Variants in POLK observed in about 807,000 individuals in gnomAD.
POLK encodes the protein DNA polymerase kappa.
Under a neutral mutation model 94.0 loss-of-function variants are expected in POLK, and 76 were observed. That is an observed-to-expected ratio of 0.81 (90% CI 0.67 to 0.98). The LOEUF is 0.98. POLK is among the 50% of genes least tolerant of loss of function. The pLI is 0.00. For synonymous variants in POLK, 349 were observed against 325.4 expected (o/e 1.07, Z -0.78); for missense variants, 954 against 1,010.1 (o/e 0.94, Z 0.75).
exon 11 of POLK, chr5:75,590,432 A>G (rs765969981): frequency 3.8e-6 from 6 of 1,595,624 alleles, no homozygotes; most frequent in South Asian, 2.2e-5. Context: ...ACAGAAAGAA[A>G]GACTTAAGGT....
At chr5:75,526,682 A>G (rs76312986) in intron 1 of POLK, among the ~76,000 whole-genome samples, 11,906 of 151,094 alleles carry the variant, frequency 0.079, 553 homozygotes, top group South Asian at 0.17. Flanking sequence ...ACCAGGTTCA[A>G]TTGATTCTCG....
At chr5:75,555,362 T>G (rs1770568588) in intron 3 of POLK, among the ~76,000 whole-genome samples, 1 of 152,138 alleles carries the variant, frequency 6.6e-6, no homozygotes, top group Non-Finnish European at 1.5e-5. Flanking sequence ...ATCTCCATAG[T>G]TTTCCCTTTT....
chr5:75,581,415 A>G (rs746918425), exon 7 of POLK: 4 of 1,613,672 alleles, frequency 2.5e-6, no homozygotes, highest in Non-Finnish European at 3.4e-6. Context: ...TCGTTTCAGA[A>G]TTGAGCAGAA....
chr5:75,585,185 C>G (rs1772400889), intron 9 of POLK, among the ~76,000 whole-genome samples: 1 of 152,162 alleles, frequency 6.6e-6, no homozygotes, highest in African/African-American at 2.4e-5. Context: ...TTATCCCTAC[C>G]TTGTTCTTTG....
the POLK span, among the ~76,000 whole-genome samples, chr5:75,607,884 G>A: frequency 1.3e-5 from 2 of 152,182 alleles, no homozygotes; most frequent in Non-Finnish European, 2.9e-5. Context: ...TCAATGTAGG[G>A]AGGGCTATAA....
chr5:75,596,540 C>T, exon 13 of POLK: 1 of 1,613,902 alleles, frequency 6.2e-7, no homozygotes. Context: ...TCAGAGAATT[C>T]AGATGACTGT....
At position 75,576,941 on chromosome 5, in the gene POLK, A is replaced by G. The variant is rs112413905; in HGVS notation, c.694+8A>G. 25 of 1,507,688 alleles carry G rather than the reference A, an allele frequency of 1.7e-5. No homozygotes were observed. Among genetic ancestry groups the G allele is most frequent in the African/African-American group, 1.4e-4 (10 of 70,228 alleles). The allele number at this position is 1,507,688 out of a possible 1,614,324, so 93.4% of individuals were successfully genotyped here. ...GAAGCTCTGTAGAAAATGGTAAGCA[A>G]CTTATTAAGACTATCAAACCAAGAA... On this transcript the variant is annotated splice_region_variant and intron_variant, in intron 6 of 14. Coordinates refer to ENST00000241436, the Ensembl canonical transcript of POLK.
At position 75,565,756 on chromosome 5, in the gene POLK, T is replaced by G. The variant is rs140999883; in HGVS notation, c.256-3584T>G. Among the ~76,000 whole-genome samples, 1,286 of 152,294 alleles carry G rather than the reference T, an allele frequency of 8.4e-3. 23 individuals carry two copies. The highest frequency in any genetic ancestry group is 0.03 in the African/African-American group (1,236 of 41,558). ...CTGCCTGTTCCTTCCTCTGGAAGCTTCATCCCAGAGGGGCACCATCAGATG... is the reference window on the plus strand; with the variant it reads ...CTGCCTGTTCCTTCCTCTGGAAGCTGCATCCCAGAGGGGCACCATCAGATG... On this transcript the variant is annotated intron_variant, in intron 3 of 14. Transcript: ENST00000241436.
intron 1 of POLK, among the ~76,000 whole-genome samples, chr5:75,522,026 C>G (rs1768611867): frequency 6.6e-6 from 1 of 152,238 alleles, no homozygotes; most frequent in South Asian, 2.1e-4. Flanking sequence ...AGTTAAAGAG[C>G]AGAGTTTCCA....
At chr5:75,602,578 A>C (rs1481745810), downstream of POLK, among the ~76,000 whole-genome samples, 1 of 152,196 alleles carries the variant, frequency 6.6e-6, no homozygotes, top group Non-Finnish European at 1.5e-5. Context: ...AAAAAGAAAG[A>C]TCACTTAGAG....
At chr5:75,537,560 C>A (rs924163284) in intron 1 of POLK, among the ~76,000 whole-genome samples, 1 of 152,166 alleles carries the variant, frequency 6.6e-6, no homozygotes, top group African/African-American at 2.4e-5. Context: ...GAGAGCAATG[C>A]GCATGAGCTG....
chr5:75,539,720 A>G (rs1769639020), intron 1 of POLK, among the ~76,000 whole-genome samples: 2 of 152,118 alleles, frequency 1.3e-5, no homozygotes, highest in South Asian at 2.1e-4. Context: ...TGGCTCCCCA[A>G]AGGGCTGGGA....
At chr5:75,551,968 A>T (rs1770358857) in intron 2 of POLK, among the ~76,000 whole-genome samples, 1 of 152,268 alleles carries the variant, frequency 6.6e-6, no homozygotes, top group Non-Finnish European at 1.5e-5. Context: ...AATAAGCTAA[A>T]TGTCTATCAA....
intron 6 of POLK, among the ~76,000 whole-genome samples, chr5:75,579,619 A>C (rs564210263): frequency 2.0e-5 from 3 of 151,826 alleles, no homozygotes; most frequent in African/African-American, 7.2e-5. Flanking sequence ...CAGCTTCCCA[A>C]AGTGCTGGGA....
chr5:75,571,951 C>A (rs1381293408), intron 4 of POLK, among the ~76,000 whole-genome samples: 3 of 152,194 alleles, frequency 2.0e-5, no homozygotes, highest in Non-Finnish European at 2.9e-5. Context: ...GTGCTATCCA[C>A]ATTTTCTGTT....
chr5:75,529,642 T>A (rs187506256), intron 1 of POLK, among the ~76,000 whole-genome samples: 1,576 of 152,294 alleles, frequency 0.01, 28 homozygotes, highest in African/African-American at 0.036. Context: ...ACAGATTTTT[T>A]AAAAAAATTT....
chr5:75,511,772 G>C (rs1246004359), exon 1 of POLK: 1 of 1,551,346 alleles, frequency 6.4e-7, no homozygotes, highest in African/African-American at 1.4e-5. Context: ...CGGCTCTCCC[G>C]GGTGACGACG....
intron 3 of POLK, among the ~76,000 whole-genome samples, chr5:75,555,776 T>G (rs1581008514): frequency 6.6e-6 from 1 of 152,202 alleles, no homozygotes; most frequent in Non-Finnish European, 1.5e-5. Flanking sequence ...CTGAAACTCC[T>G]GGCCTCATGT....
chr5:75,553,944 C>T lies in POLK; in HGVS notation c.255+1353C>T, dbSNP rs77282743. On this transcript the variant is annotated intron_variant, in intron 3 of 14. Coordinates refer to ENST00000241436, the Ensembl canonical transcript of POLK. ...TGATTATCATTTAGAGACCCAGGTT[C>T]TTTAAATCATATTGTTCCATCATCC... is the stretch of plus-strand genomic sequence containing the variant. Among the ~76,000 whole-genome samples the T allele has an allele frequency of 2.1e-3, 317 of 152,218 alleles. 1 individual carries two copies. In the East Asian group the frequency reaches 0.027, roughly 13 times the overall value.
Sources: gnomAD v4.1 joint callset for allele counts (sites outside exome capture counted in the v4.1 genomes callset) on GRCh38, gnomAD v4.1.1 for gene constraint, MANE v1.5 for transcripts, NCBI Gene and HGNC (gene_info 2026-07-23, HGNC 2026-07-21) for gene names.